The following GARS1 variants were observed in gnomAD, a reference collection of about 807,000 sequenced individuals.
GARS1 encodes the protein glycyl-tRNA synthetase 1.
A neutral mutation model predicts 86.4 loss-of-function variants in GARS1; 46 were observed. The ratio of observed to expected loss-of-function variants is 0.53; its 90% CI spans 0.42 to 0.68. The LOEUF (loss-of-function observed/expected upper bound fraction) is 0.68, where lower values mean the gene tolerates loss of function less well. GARS1 is among the 30% of genes least tolerant of loss of function. GARS1 has a pLI of 0.00. For missense variants in GARS1, 797 were observed against 915.6 expected (o/e 0.87, Z 1.67); for synonymous variants, 342 against 329.8 (o/e 1.04, Z -0.40).
Position 30,617,291 on chromosome 7 carries a change from C to T in GARS1, c.1359+13C>T, listed in dbSNP as rs1382905958. ...CAAAACATCCTACGTAAGTGGAGTG[C>T]TGTTTACCATGTGATTTTCACATTG... On this transcript the variant is annotated intron_variant, in intron 10 of 16. Coordinates refer to ENST00000389266, the MANE Select transcript of GARS1 (RefSeq NM_002047.4). The T allele has an allele frequency of 6.2e-7, 1 of 1,613,148 alleles. No homozygotes were observed. Among genetic ancestry groups the T allele is most frequent in the Non-Finnish European group, 8.5e-7 (1 of 1,179,370 alleles).
chr7:30,630,749 A>G (rs1028876486), intron 14 of GARS1, among the ~76,000 whole-genome samples: 5 of 152,024 alleles, frequency 3.3e-5, no homozygotes, highest in African/African-American at 9.7e-5. Flanking sequence ...GGGTCAAGCA[A>G]TTCTTCTGCC....
upstream of GARS1, chr7:30,594,819 C>G (rs542192277): frequency 9.9e-7 from 1 of 1,011,542 alleles, no homozygotes; most frequent in Non-Finnish European, 1.4e-6. Flanking sequence ...TGCGGCAGCA[C>G]GCGCGCCGCG....
At chr7:30,623,769 G>A (rs1037647634) in intron 12 of GARS1, among the ~76,000 whole-genome samples, 3 of 152,170 alleles carry the variant, frequency 2.0e-5, no homozygotes, top group Non-Finnish European at 2.9e-5. Context: ...ATGAAGACCC[G>A]TGAGAATCAA....
intron 12 of GARS1, 94 bp downstream of exon 12, chr7:30,622,556 T>C: frequency 2.7e-6 from 4 of 1,466,938 alleles, no homozygotes; most frequent in Non-Finnish European, 3.8e-6. Context: ...TAAGATTTTT[T>C]GCAGGTAAGT....
rs765145813 is a variant in GARS1 at position 30,594,885 on chromosome 7, T to C, written c.-37T>C. The C allele has an allele frequency of 1.1e-5, 16 of 1,499,016 alleles. No individual in the cohort carries two copies. Among genetic ancestry groups the C allele is most frequent in the Non-Finnish European group, 1.3e-5 (15 of 1,114,796 alleles). The allele number at this position is 1,499,016 out of a possible 1,614,324, so 92.9% of individuals were successfully genotyped here. A position where few individuals can be genotyped will look rare whatever the true frequency, so the allele number is the denominator to read the frequency against. On this transcript the variant is annotated 5_prime_UTR_variant, in exon 1 of 17. Coordinates refer to ENST00000389266, the MANE Select transcript of GARS1 (RefSeq NM_002047.4). ...AGCCGGGCGGCGCGCGCCGCTTCCG[T>C]CGCCACCCTCTCTGGACAGCCCAGG...
At chr7:30,625,544 A>G (rs1380123303) in intron 12 of GARS1, among the ~76,000 whole-genome samples, 1 of 152,186 alleles carries the variant, frequency 6.6e-6, no homozygotes, top group Admixed American at 6.5e-5. Flanking sequence ...ATCCAAATGG[A>G]TATTCAAAAT....
chr7:30,598,941 A>G, intron 2 of GARS1, 44 bp downstream of exon 2: 1 of 1,442,060 alleles, frequency 6.9e-7, no homozygotes, highest in Non-Finnish European at 9.8e-7. Context: ...TAGGTATAGG[A>G]TTGTTCATCT....
chr7:30,629,997 G>C (rs1294851036), intron 14 of GARS1, among the ~76,000 whole-genome samples: 1 of 152,272 alleles, frequency 6.6e-6, no homozygotes, highest in East Asian at 1.9e-4. Context: ...GGCTAAACAA[G>C]AATAAATTAG....
intron 6 of GARS1, 137 bp from the exon 7 acceptor site, chr7:30,609,448 C>T (rs923152016): frequency 4.2e-6 from 3 of 715,072 alleles, no homozygotes; most frequent in Non-Finnish European, 4.9e-6. Context: ...TGTGGGTGTC[C>T]TGAAGGTTAG....
chr7:30,615,848 T>G, intron 8 of GARS1, 48 bp from the exon 9 acceptor site: 2 of 1,604,214 alleles, frequency 1.2e-6, no homozygotes, highest in Non-Finnish European at 1.7e-6. Flanking sequence ...GTTTGTTTGT[T>G]TTTTGTAGTT....
chr7:30,631,477 A>G lies in GARS1; in HGVS notation c.1839A>G (p.Pro613=). 2 of 1,613,780 alleles carry G rather than the reference A, an allele frequency of 1.2e-6. No homozygotes were observed. The highest frequency in any genetic ancestry group is 2.2e-5 in the East Asian group (1 of 44,852). ...TCAGTTTCCCTGCTGTAGTTGCTCC[A>G]TTCAAATGTTCCGTCCTCCCACTGA... is the stretch of plus-strand genomic sequence containing the variant. ...TFFSFPAVVA[P]FKCSVLPLSQ... Residue 613 remains proline, a synonymous_variant, in exon 15 of 17, where the codon CCA becomes CCG. Transcript: ENST00000389266.
intron 6 of GARS1, among the ~76,000 whole-genome samples, chr7:30,609,074 T>C (rs1041654829): frequency 1.3e-5 from 2 of 152,194 alleles, no homozygotes; most frequent in African/African-American, 4.8e-5. Flanking sequence ...CTGAGGTGAA[T>C]AAGATACAGC....
intron 9 of GARS1, among the ~76,000 whole-genome samples, chr7:30,616,520 A>G (rs976866585): frequency 4.6e-5 from 7 of 152,216 alleles, no homozygotes; most frequent in Non-Finnish European, 1.0e-4. Context: ...GCTGCTGTCC[A>G]CTAGTGGAAT....
chr7:30,604,315 C>G (rs934634533), intron 6 of GARS1, among the ~76,000 whole-genome samples: 1 of 152,164 alleles, frequency 6.6e-6, no homozygotes, highest in East Asian at 1.9e-4. Context: ...GTACATTTCT[C>G]CAACACCATG....
In GARS1 at chr7:30,606,736, C is replaced by A. The variant is rs554912396; in HGVS notation, c.736-2849C>A. Among the ~76,000 whole-genome samples, 21 of 152,256 alleles carry A rather than the reference C, an allele frequency of 1.4e-4. 1 individual carries two copies. The South Asian group carries it at 3.5e-3, about 26-fold the overall frequency. ...CCCAGACTTGGAATCAGACATTTCT[C>A]CAAGGAGCCCTGGTACTTGGTACTT... On this transcript the variant is annotated intron_variant, in intron 6 of 16. Transcript: ENST00000389266.
Position 30,595,095 on chromosome 7 carries a change from G to A in GARS1, c.174G>A (p.Ala58=), listed in dbSNP as rs747227947. The A allele has an allele frequency of 2.7e-5, 41 of 1,543,094 alleles. No individual in the cohort carries two copies. Among genetic ancestry groups the A allele is most frequent in the Non-Finnish European group, 3.4e-5 (39 of 1,149,900 alleles). The change falls in exon 1 of 17, where the codon GCG becomes GCA. Residue 58 remains alanine (A), a synonymous_variant. Transcript: ENST00000389266. ...AAASRSSMDG[A]GAEEVLAPLR... ...CCTCCCGGAGCAGCATGGACGGCGC[G>A]GGGGCTGAGGAGGTGCTGGCACCTC...
At chr7:30,615,210 T>G (rs1584037351) in intron 8 of GARS1, among the ~76,000 whole-genome samples, 2 of 152,256 alleles carry the variant, frequency 1.3e-5, no homozygotes, top group East Asian at 3.8e-4. Context: ...AAGAAGCTCT[T>G]GCTCCAAAGA....
chr7:30,629,654 G>A (rs1395784756), intron 14 of GARS1, among the ~76,000 whole-genome samples: 1 of 152,194 alleles, frequency 6.6e-6, no homozygotes, highest in African/African-American at 2.4e-5. Context: ...CAGTACTTTA[G>A]TCTGACACAC....
intron 6 of GARS1, among the ~76,000 whole-genome samples, chr7:30,605,114 C>T (rs544938181): frequency 6.6e-6 from 1 of 152,264 alleles, no homozygotes; most frequent in South Asian, 2.1e-4. Context: ...CAGAAATGGC[C>T]CTGGTGGATT....
Sources: allele counts gnomAD v4.1 joint callset (sites outside exome capture counted in the v4.1 genomes callset), GRCh38; gene constraint gnomAD v4.1.1; transcripts MANE v1.5; gene names NCBI Gene and HGNC (gene_info 2026-07-23, HGNC 2026-07-21).